ZFHX3: variants seen among roughly 807,000 people sequenced by gnomAD.
ZFHX3 encodes zinc finger homeobox 3, also known as zinc finger homeobox protein 3.
A neutral mutation model predicts 279.1 loss-of-function variants in ZFHX3; 42 were observed. The observed-to-expected ratio is 0.15, with a 90% confidence interval of 0.12 to 0.19. The LOEUF (loss-of-function observed/expected upper bound fraction) is 0.19. Among genes scored for constraint, ZFHX3 ranks in the 10% least tolerant of loss-of-function variants. ZFHX3 has a pLI of 1.00. For missense variants in ZFHX3, 4,981 were observed against 4,754.0 expected (o/e 1.05, Z -1.40); for synonymous variants, 2,293 against 1,957.8 (o/e 1.17, Z -4.52).
At chr16:73,199,106 T>TG (rs1001152133) in intron 5 of ZFHX3, among the ~76,000 whole-genome samples, 1 of 152,140 alleles carries the variant, frequency 6.6e-6, no homozygotes, top group Admixed American at 6.6e-5. Flanking sequence ...ATCTGTGAAT[T>TG]GGGGGGAAAC....
At chr16:73,483,033 T>G (rs1182489938) in intron 2 of ZFHX3, among the ~76,000 whole-genome samples, 1 of 152,210 alleles carries the variant, frequency 6.6e-6, no homozygotes, top group Admixed American at 6.5e-5. Context: ...TTTCTTGTTC[T>G]TTCTTTTCCT....
At chr16:72,824,652 G>A (rs566640658) in intron 5 of ZFHX3, among the ~76,000 whole-genome samples, 2 of 152,202 alleles carry the variant, frequency 1.3e-5, no homozygotes, top group East Asian at 3.9e-4. Context: ...AAACCATGAC[G>A]ACTACAGGAA....
intron 3 of ZFHX3, among the ~76,000 whole-genome samples, chr16:73,444,092 A>G (rs2018141286): frequency 6.6e-6 from 1 of 152,204 alleles, no homozygotes; most frequent in Non-Finnish European, 1.5e-5. Flanking sequence ...TAAATATTAC[A>G]CATTCTCCCA....
intron 1 of ZFHX3, among the ~76,000 whole-genome samples, chr16:73,765,726 C>A (rs2142286887): frequency 6.6e-6 from 1 of 152,296 alleles, no homozygotes; most frequent in South Asian, 2.1e-4. Context: ...AATAGCAGGT[C>A]TAATTTGAGT....
In ZFHX3 at chr16:72,929,639, A is replaced by G. The variant is rs971631036; in HGVS notation, c.3216+20830T>C. On this transcript the variant is annotated intron_variant, in intron 3 of 9. Transcript: ENST00000268489. Reference sequence around the variant, plus strand: ...CGCCCTGTGGCTCTTGCCCCAGAGGATGCCTGGGGCCACGCGGGCTGCGAC... The same window carrying G: ...CGCCCTGTGGCTCTTGCCCCAGAGGGTGCCTGGGGCCACGCGGGCTGCGAC... Among the ~76,000 whole-genome samples the G allele has an allele frequency of 3.9e-5, 6 of 152,232 alleles. 1 individual carries two copies. The highest frequency in any genetic ancestry group is 3.9e-4 in the Admixed American group (6 of 15,286).
chr16:73,720,574 T>G (rs948087410), intron 1 of ZFHX3, among the ~76,000 whole-genome samples: 2 of 152,206 alleles, frequency 1.3e-5, no homozygotes, highest in African/African-American at 4.8e-5. Flanking sequence ...AAACAAATTT[T>G]ATGGCACGGC....
intron 3 of ZFHX3, chr16:73,401,405 C>CACACACACACACACACA (rs2017251863): frequency 1.3e-5 from 2 of 151,836 alleles, no homozygotes; most frequent in Admixed American, 6.6e-5. Flanking sequence ...CACACACACA[C>CACACACACACACACACA]ACCTCAAAAG....
At chr16:73,038,429 G>GA (rs11454716) in intron 1 of ZFHX3, among the ~76,000 whole-genome samples, 23,939 of 152,144 alleles carry the variant, frequency 0.16, 2,702 homozygotes, top group African/African-American at 0.32. Context: ...AGTAACAGTA[G>GA]AAAACGACCT....
chr16:73,017,674 C>T (rs1964154263), intron 1 of ZFHX3, among the ~76,000 whole-genome samples: 1 of 152,170 alleles, frequency 6.6e-6, no homozygotes, highest in Admixed American at 6.5e-5. Flanking sequence ...CCACCAAGAG[C>T]TTTGCTAGCT....
chr16:73,446,641 C>A (rs1050296178), intron 3 of ZFHX3, among the ~76,000 whole-genome samples: 1 of 152,038 alleles, frequency 6.6e-6, no homozygotes, highest in Non-Finnish European at 1.5e-5. Flanking sequence ...GAATAGAAAA[C>A]CAAGTGCTGC....
intron 8 of ZFHX3, among the ~76,000 whole-genome samples, chr16:73,069,048 G>T (rs1350371554): frequency 6.6e-6 from 1 of 152,212 alleles, no homozygotes; most frequent in Non-Finnish European, 1.5e-5. Context: ...CGCCGTGCTC[G>T]GCTGGGTTGA....
intron 2 of ZFHX3, among the ~76,000 whole-genome samples, chr16:73,488,602 C>T (rs1003865690): frequency 5.3e-5 from 8 of 152,180 alleles, no homozygotes; most frequent in Non-Finnish European, 7.4e-5. Flanking sequence ...TTTGATTACA[C>T]TGGGAAAAGC....
chr16:73,873,133 T>TGGTGGTGGTG (rs1377790770), intron 1 of ZFHX3, among the ~76,000 whole-genome samples: 592 of 16,512 alleles, frequency 0.036, 47 homozygotes, highest in Non-Finnish European at 0.057. Context: ...CGGTGGATGG[T>TGGTGGTGGTG]GGTGGTGGTG....
At chr16:73,613,473 G>A (rs998924195) in intron 2 of ZFHX3, among the ~76,000 whole-genome samples, 7 of 151,368 alleles carry the variant, frequency 4.6e-5, no homozygotes, top group Admixed American at 2.6e-4. Flanking sequence ...ATGTGAGGCA[G>A]AAGTCTGAGA....
At chr16:73,655,255 T>C (rs2142169711) in intron 2 of ZFHX3, among the ~76,000 whole-genome samples, 1 of 152,338 alleles carries the variant, frequency 6.6e-6, no homozygotes, top group South Asian at 2.1e-4. Context: ...AGGATATTCA[T>C]TTTCACTTCT....
chr16:73,007,996 T>A (rs893287286), intron 1 of ZFHX3, among the ~76,000 whole-genome samples: 3 of 152,236 alleles, frequency 2.0e-5, no homozygotes, highest in Non-Finnish European at 4.4e-5. Context: ...TAATTAAACA[T>A]GATAGTGATT....
At chr16:73,584,528 A>G (rs1365042975) in intron 2 of ZFHX3, among the ~76,000 whole-genome samples, 1 of 152,230 alleles carries the variant, frequency 6.6e-6, no homozygotes, top group African/African-American at 2.4e-5. Context: ...TAGTGGGGAA[A>G]AAATATTTTA....
chr16:73,421,655 G>A (rs1373023532), intron 3 of ZFHX3, among the ~76,000 whole-genome samples: 1 of 152,096 alleles, frequency 6.6e-6, no homozygotes, highest in African/African-American at 2.4e-5. Flanking sequence ...TGTCATCTTT[G>A]TGGAGCTCCA....
intron 2 of ZFHX3, among the ~76,000 whole-genome samples, chr16:73,568,864 C>G (rs2020488014): frequency 6.6e-6 from 1 of 152,040 alleles, no homozygotes; most frequent in Admixed American, 6.6e-5. Flanking sequence ...TCTCCATGCC[C>G]CGCTGTCCGG....
Sources: gnomAD v4.1 joint callset for allele counts (sites outside exome capture counted in the v4.1 genomes callset) on GRCh38, gnomAD v4.1.1 for gene constraint, MANE v1.5 for transcripts, NCBI Gene and HGNC (gene_info 2026-07-23, HGNC 2026-07-21) for gene names.